Variants in COPG2 observed in about 807,000 individuals in gnomAD.
COPG2 encodes the protein coatomer subunit gamma-2.
In COPG2, 37 loss-of-function variants were observed where a neutral mutation model predicts 46.3. That is an observed-to-expected ratio of 0.80 (90% CI 0.61 to 1.05). COPG2 has a LOEUF of 1.05. Ranked by LOEUF, COPG2 falls within the 50% of genes least tolerant of loss-of-function variation. The pLI is 0.00. For synonymous variants in COPG2, 159 were observed against 129.7 expected, an observed-to-expected ratio of 1.23 and a Z score of -1.53; for missense variants, 427 against 387.8, an observed-to-expected ratio of 1.10 and a Z score of -0.85.
intron 9 of COPG2, among the ~76,000 whole-genome samples, chr7:130,591,959 G>A (rs1378338058): frequency 6.6e-6 from 1 of 152,210 alleles, no homozygotes; most frequent in Non-Finnish European, 1.5e-5. Context: ...GGAATAGAAA[G>A]GGGGGAAAGG....
chr7:130,563,251 T>G lies in COPG2; in HGVS notation c.939+18A>C, dbSNP rs1453894490. ...TTAAATACTGATATAAGTCAATAAT[T>G]AGCAAAGAAACACCTACCTTGTTCA... is the stretch of plus-strand genomic sequence containing the variant. On this transcript the variant is annotated intron_variant, in intron 11 of 23. Transcript: ENST00000425248. 1.1e-4 allele frequency: 45 copies of G among 398,038 alleles called. No individual in the cohort carries two copies. Among genetic ancestry groups the G allele is most frequent in the Non-Finnish European group, 1.5e-4 (34 of 225,796 alleles). The allele number at this position is 398,038 out of a possible 1,614,324, so 24.7% of individuals were successfully genotyped here. A position where few individuals can be genotyped will look rare whatever the true frequency, so the allele number is the denominator to read the frequency against.
chr7:130,526,627 G>A (rs1799776822), intron 20 of COPG2, among the ~76,000 whole-genome samples: 1 of 151,842 alleles, frequency 6.6e-6, no homozygotes, highest in African/African-American at 2.4e-5. Flanking sequence ...GTGAGGTGAA[G>A]GGGCAGGTCC....
chr7:130,556,619 A>G (rs1217984453), intron 12 of COPG2, among the ~76,000 whole-genome samples: 1 of 152,240 alleles, frequency 6.6e-6, no homozygotes, highest in Non-Finnish European at 1.5e-5. Context: ...TCATTTATAA[A>G]TACCGATGTA....
At chr7:130,543,209 A>G (rs1380866237) in intron 20 of COPG2, among the ~76,000 whole-genome samples, 2 of 152,220 alleles carry the variant, frequency 1.3e-5, no homozygotes, top group African/African-American at 4.8e-5. Context: ...GTGGTCTCCA[A>G]CAAAATTAGC....
chr7:130,580,621 A>T (rs1420658663), intron 9 of COPG2, among the ~76,000 whole-genome samples: 1 of 107,686 alleles, frequency 9.3e-6, no homozygotes, highest in Non-Finnish European at 1.8e-5. Context: ...AGAAAAAAAG[A>T]GAGAAGAATC....
intron 20 of COPG2, among the ~76,000 whole-genome samples, chr7:130,537,124 C>T (rs901101162): frequency 4.3e-4 from 66 of 151,870 alleles, no homozygotes; most frequent in African/African-American, 1.6e-3. Flanking sequence ...AAGTGGGACA[C>T]GAATGAGTGA....
intron 15 of COPG2, among the ~76,000 whole-genome samples, chr7:130,551,604 AGCAGTCTG>A (rs1266014799): frequency 2.0e-5 from 3 of 152,246 alleles, no homozygotes; most frequent in Non-Finnish European, 4.4e-5. Context: ...AACATGAAAT[AGCAGTCTG>A]GAGTCTTTTC....
intron 5 of COPG2, among the ~76,000 whole-genome samples, chr7:130,639,301 T>C (rs1229947029): frequency 6.6e-6 from 1 of 152,226 alleles, no homozygotes; most frequent in East Asian, 1.9e-4. Flanking sequence ...AATTCCTCTT[T>C]CCATTGATTT....
chr7:130,627,876 CT>C (rs1795145986), intron 5 of COPG2, among the ~76,000 whole-genome samples: 1 of 152,136 alleles, frequency 6.6e-6, no homozygotes, highest in Admixed American at 6.5e-5. Context: ...TGGTTTCATA[CT>C]TTTCAGTATT....
At chr7:130,590,827 C>G (rs1428020049) in intron 9 of COPG2, among the ~76,000 whole-genome samples, 5 of 151,896 alleles carry the variant, frequency 3.3e-5, no homozygotes, top group Non-Finnish European at 4.4e-5. Context: ...TCTGCCCTGC[C>G]CCCCCGTCTG....
chr7:130,563,166 T>G, intron 11 of COPG2, 103 bp downstream of exon 11: 1 of 386,864 alleles, frequency 2.6e-6, no homozygotes, highest in Non-Finnish European at 4.6e-6. Context: ...GTGAAGCCCA[T>G]AAATCACATA....
intron 20 of COPG2, chr7:130,511,812 A>G (rs1563033363): frequency 1.9e-6 from 1 of 519,748 alleles, no homozygotes; most frequent in Admixed American, 1.9e-5. Context: ...TTAAGGAGCA[A>G]GGAATTCAGT....
intron 15 of COPG2, 75 bp from the exon 16 acceptor site, chr7:130,551,419 GAC>G (rs1310330758): frequency 2.5e-6 from 1 of 396,620 alleles, no homozygotes; most frequent in African/African-American, 2.1e-5. Flanking sequence ...AAATCTAAAG[GAC>G]ACAGCTCAGG....
chr7:130,639,694 T>C (rs1795424331), intron 5 of COPG2, among the ~76,000 whole-genome samples: 1 of 152,260 alleles, frequency 6.6e-6, no homozygotes, highest in African/African-American at 2.4e-5. Context: ...TGTCAGTTTA[T>C]ACTTCAAAGC....
chr7:130,573,478 A>G (rs1176250075), intron 9 of COPG2, among the ~76,000 whole-genome samples: 3 of 152,092 alleles, frequency 2.0e-5, no homozygotes, highest in Non-Finnish European at 2.9e-5. Flanking sequence ...TAATATGTAA[A>G]AAGAATTATA....
At chr7:130,623,103 T>G (rs1441838444) in intron 5 of COPG2, among the ~76,000 whole-genome samples, 1 of 152,204 alleles carries the variant, frequency 6.6e-6, no homozygotes, top group African/African-American at 2.4e-5. Flanking sequence ...GTCAGCTGCC[T>G]GTGGTTGCCA....
intron 9 of COPG2, chr7:130,564,652 A>G: frequency 3.3e-6 from 1 of 298,752 alleles, no homozygotes. Flanking sequence ...CTTAGTAAAA[A>G]TGGTGAAGTT....
chr7:130,575,455 G>A (rs1301247333), intron 9 of COPG2, among the ~76,000 whole-genome samples: 7 of 152,068 alleles, frequency 4.6e-5, no homozygotes, highest in African/African-American at 1.7e-4. Flanking sequence ...GCGAAACTAA[G>A]CATCATATAT....
chr7:130,547,884 A>T, intron 19 of COPG2, 39 bp from the exon 20 acceptor site: 1 of 398,562 alleles, frequency 2.5e-6, no homozygotes, highest in East Asian at 3.6e-5. Flanking sequence ...GAAGGATAAC[A>T]AGTTATCCTT....
Sources: allele counts gnomAD v4.1 joint callset (sites outside exome capture counted in the v4.1 genomes callset), GRCh38; gene constraint gnomAD v4.1.1; transcripts MANE v1.5; gene names NCBI Gene and HGNC (gene_info 2026-07-23, HGNC 2026-07-21).